MAGI2: variants seen among roughly 807,000 people sequenced by gnomAD.
MAGI2 encodes the protein membrane associated guanylate kinase, WW and PDZ domain containing 2, also known as membrane-associated guanylate kinase, WW and PDZ domain-containing protein 2.
MAGI2 carries 35 observed loss-of-function variants against 133.3 expected under a neutral mutation model. That is an observed-to-expected ratio of 0.26 (90% confidence interval 0.20 to 0.35). The LOEUF is 0.35. Among genes scored for constraint, MAGI2 ranks in the 10% least tolerant of loss-of-function variants. The probability of loss-of-function intolerance (pLI) is 1.00; values close to 1 mark genes in which losing one functional copy is unlikely to be tolerated. For missense variants in MAGI2, 1,636 were observed against 1,863.4 expected, an observed-to-expected ratio of 0.88 and a Z score of 2.25; for synonymous variants, 729 against 710.6, an observed-to-expected ratio of 1.03 and a Z score of -0.41.
At chr7:78,593,080 CA>C (rs1804204294) in intron 3 of MAGI2, among the ~76,000 whole-genome samples, 1 of 151,678 alleles carries the variant, frequency 6.6e-6, no homozygotes, top group Non-Finnish European at 1.5e-5. Context: ...CCTAGCCTCC[CA>C]AATTGCTAGG....
intron 9 of MAGI2, among the ~76,000 whole-genome samples, chr7:78,327,255 T>A (rs1485506928): frequency 6.6e-6 from 1 of 152,220 alleles, no homozygotes; most frequent in Non-Finnish European, 1.5e-5. Context: ...AAATCTCACA[T>A]AGCAACCTCA....
At chr7:79,339,448 G>GTTTGTT (rs1309555808) in intron 1 of MAGI2, among the ~76,000 whole-genome samples, 14 of 132,820 alleles carry the variant, frequency 1.1e-4, no homozygotes, top group South Asian at 4.6e-4. Context: ...TTACAGGTTT[G>GTTTGTT]TTTGTTTTTG....
chr7:79,123,785 CAAAAAAA>C (rs71095377), intron 1 of MAGI2, among the ~76,000 whole-genome samples: 13 of 60,766 alleles, frequency 2.1e-4, no homozygotes, highest in African/African-American at 8.2e-4. Flanking sequence ...GACTCCATCT[CAAAAAAA>C]AAAAAAAAAA....
chr7:78,166,123 C>T (rs1020972358), intron 15 of MAGI2, among the ~76,000 whole-genome samples: 2 of 152,200 alleles, frequency 1.3e-5, no homozygotes, highest in Non-Finnish European at 2.9e-5. Flanking sequence ...AGCATCTTTA[C>T]GGAAGTCACA....
At chr7:78,719,495 A>C (rs573703818) in intron 2 of MAGI2, among the ~76,000 whole-genome samples, 1 of 152,352 alleles carries the variant, frequency 6.6e-6, no homozygotes, top group African/African-American at 2.4e-5. Flanking sequence ...CTACTGAAAA[A>C]GGAGTGAGTG....
intron 2 of MAGI2, among the ~76,000 whole-genome samples, chr7:78,804,828 G>A (rs552799537): frequency 1.3e-5 from 2 of 151,212 alleles, no homozygotes; most frequent in East Asian, 3.9e-4. Context: ...AGCACTTTGG[G>A]AAGCCGAGGC....
At chr7:78,512,516 T>C (rs1208026844) in intron 4 of MAGI2, among the ~76,000 whole-genome samples, 1 of 152,138 alleles carries the variant, frequency 6.6e-6, no homozygotes, top group East Asian at 1.9e-4. Flanking sequence ...AGCGATTCTC[T>C]TGCCTCAGTC....
At chr7:79,334,177 T>C (rs1056920782) in intron 1 of MAGI2, among the ~76,000 whole-genome samples, 4 of 152,192 alleles carry the variant, frequency 2.6e-5, no homozygotes, top group African/African-American at 9.6e-5. Context: ...CCAGTTCTTA[T>C]GTAACGTTAG....
chr7:78,772,365 CA>C (rs1473419018), intron 2 of MAGI2, among the ~76,000 whole-genome samples: 2 of 152,182 alleles, frequency 1.3e-5, no homozygotes, highest in African/African-American at 4.8e-5. Context: ...CAACAAGCAT[CA>C]GAAGAAAACT....
chr7:78,741,937 G>A lies in MAGI2; in HGVS notation c.419-114698C>T, dbSNP rs140415573. 5.3e-5 allele frequency among the ~76,000 whole-genome samples: 8 copies of A among 151,848 alleles called. No individual in the cohort carries two copies. The East Asian group carries it at 9.9e-4, about 19-fold the overall frequency. ...AATGCCTTAAATTATAAGTTATCAC[G>A]AAGGATAATTATCCTAATAATCCTG... On this transcript the variant is annotated intron_variant, in intron 2 of 21. Coordinates refer to ENST00000354212, the MANE Select transcript of MAGI2 (RefSeq NM_012301.4).
intron 2 of MAGI2, among the ~76,000 whole-genome samples, chr7:78,737,856 G>C (rs1223810244): frequency 2.0e-5 from 3 of 151,728 alleles, no homozygotes; most frequent in Non-Finnish European, 2.9e-5. Flanking sequence ...ATATTTTTGG[G>C]GTCCTCATAA....
chr7:78,896,925 A>G (rs1234462795), intron 2 of MAGI2, among the ~76,000 whole-genome samples: 9 of 152,220 alleles, frequency 5.9e-5, no homozygotes, highest in Non-Finnish European at 1.2e-4. Flanking sequence ...GTAATCAATA[A>G]TCACTAACAA....
At chr7:78,172,687 C>T (rs938106845) in intron 14 of MAGI2, among the ~76,000 whole-genome samples, 17 of 152,158 alleles carry the variant, frequency 1.1e-4, no homozygotes, top group African/African-American at 3.9e-4. Context: ...AATACCATTT[C>T]GTATATACAG....
intron 1 of MAGI2, among the ~76,000 whole-genome samples, chr7:79,207,599 T>C (rs1376690302): frequency 6.6e-6 from 1 of 151,964 alleles, no homozygotes; most frequent in East Asian, 1.9e-4. Flanking sequence ...TTCTATGGAT[T>C]GGAAGAATCA....
intron 2 of MAGI2, among the ~76,000 whole-genome samples, chr7:78,952,245 G>T (rs118123788): frequency 0.011 from 1,721 of 152,196 alleles, 28 homozygotes; most frequent in African/African-American, 0.035. Context: ...TGAGGGTGGG[G>T]TCATTGTCTC....
intron 1 of MAGI2, among the ~76,000 whole-genome samples, chr7:79,268,966 G>T (rs913799393): frequency 6.6e-6 from 1 of 152,086 alleles, no homozygotes; most frequent in Non-Finnish European, 1.5e-5. Flanking sequence ...ACTTAAACAC[G>T]TTTCACATTG....
intron 9 of MAGI2, among the ~76,000 whole-genome samples, chr7:78,315,402 G>C (rs746219986): frequency 2.8e-4 from 42 of 152,244 alleles, no homozygotes; most frequent in Non-Finnish European, 8.8e-5. Context: ...CATACATCCT[G>C]TAATTCCTTT....
intron 16 of MAGI2, among the ~76,000 whole-genome samples, chr7:78,144,016 C>T (rs780656921): frequency 1.8e-4 from 28 of 151,406 alleles, no homozygotes. Context: ...CTACCAATTG[C>T]TCTCAATATG....
intron 1 of MAGI2, among the ~76,000 whole-genome samples, chr7:79,167,118 C>T (rs7791658): frequency 0.64 from 96,679 of 151,878 alleles, 35,301 homozygotes; most frequent in Non-Finnish European, 0.83. Context: ...TAATACCTTA[C>T]TATACATGCA....
Sources: allele counts gnomAD v4.1 joint callset (sites outside exome capture counted in the v4.1 genomes callset), GRCh38; gene constraint gnomAD v4.1.1; transcripts MANE v1.5; gene names NCBI Gene and HGNC (gene_info 2026-07-23, HGNC 2026-07-21).